Variants in CSMD1 observed in about 807,000 individuals in gnomAD.
The protein encoded by CSMD1 is CUB and Sushi multiple domains 1.
Under a neutral mutation model 417.5 loss-of-function variants are expected in CSMD1, and 213 were observed. That is an observed-to-expected ratio of 0.51 (90% CI 0.46 to 0.57). The LOEUF is 0.57. CSMD1 is among the 20% of genes least tolerant of loss of function. CSMD1 has a pLI of 0.00. For synonymous variants in CSMD1, 2,862 were observed against 1,736.8 expected, an observed-to-expected ratio of 1.65 and a Z score of -16.11; for missense variants, 6,923 against 4,529.7, an observed-to-expected ratio of 1.53 and a Z score of -15.17.
intron 25 of CSMD1, among the ~76,000 whole-genome samples, chr8:3,286,382 G>T (rs1161177607): frequency 6.6e-6 from 1 of 152,038 alleles, no homozygotes; most frequent in Non-Finnish European, 1.5e-5. Flanking sequence ...TCCAGTTCTA[G>T]ATCCCTGAGG....
intron 3 of CSMD1, among the ~76,000 whole-genome samples, chr8:4,305,349 G>C (rs904274551): frequency 6.6e-6 from 1 of 152,098 alleles, no homozygotes; most frequent in African/African-American, 2.4e-5. Flanking sequence ...AGTGAGACCC[G>C]AACTGGAATC....
chr8:4,213,516 C>T (rs939431461), intron 3 of CSMD1, among the ~76,000 whole-genome samples: 13 of 152,270 alleles, frequency 8.5e-5, no homozygotes, highest in Admixed American at 1.3e-4. Context: ...TTTGGTGGTG[C>T]GTTAATGTAG....
intron 3 of CSMD1, among the ~76,000 whole-genome samples, chr8:4,288,235 T>C (rs1356931848): frequency 1.3e-5 from 2 of 152,192 alleles, no homozygotes; most frequent in South Asian, 2.1e-4. Context: ...CTGGCAGTGC[T>C]GGGTGCCTTC....
intron 2 of CSMD1, among the ~76,000 whole-genome samples, chr8:4,442,188 C>T (rs138955887): frequency 2.0e-5 from 3 of 152,160 alleles, no homozygotes; most frequent in East Asian, 1.9e-4. Flanking sequence ...AAGTGACAAT[C>T]TCCTGACAAA....
intron 1 of CSMD1, among the ~76,000 whole-genome samples, chr8:4,993,173 T>C (rs992691006): frequency 6.6e-6 from 1 of 151,936 alleles, no homozygotes; most frequent in African/African-American, 2.4e-5. Context: ...CGGGGAAATA[T>C]TATGTAGGGA....
At chr8:4,294,405 T>G (rs1436760881) in intron 3 of CSMD1, among the ~76,000 whole-genome samples, 2 of 152,202 alleles carry the variant, frequency 1.3e-5, no homozygotes, top group African/African-American at 4.8e-5. Flanking sequence ...CTGATTGTAC[T>G]TGAATAGCTA....
chr8:3,724,405 T>C (rs936169504), intron 6 of CSMD1, among the ~76,000 whole-genome samples: 6 of 152,180 alleles, frequency 3.9e-5, no homozygotes, highest in African/African-American at 1.4e-4. Flanking sequence ...TAAAGGAGTA[T>C]TGTCACTTTT....
chr8:3,102,008 G>A (rs910581063), intron 46 of CSMD1, among the ~76,000 whole-genome samples: 15 of 151,908 alleles, frequency 9.9e-5, no homozygotes, highest in Non-Finnish European at 1.6e-4. Flanking sequence ...CACCATGTTG[G>A]CCAGGCTGGT....
At chr8:2,976,156 G>A (rs1276337239) in intron 55 of CSMD1, among the ~76,000 whole-genome samples, 1 of 151,566 alleles carries the variant, frequency 6.6e-6, no homozygotes, top group Non-Finnish European at 1.5e-5. Context: ...TAATTGAATT[G>A]TTGAAGTTAG....
At chr8:4,057,045 G>A (rs370648672) in intron 3 of CSMD1, among the ~76,000 whole-genome samples, 9 of 152,308 alleles carry the variant, frequency 5.9e-5, no homozygotes, top group East Asian at 1.9e-4. Flanking sequence ...CTTTGGGTAT[G>A]TACCCAGTAA....
At chr8:3,358,834 C>G (rs898236259) in intron 21 of CSMD1, among the ~76,000 whole-genome samples, 8 of 149,626 alleles carry the variant, frequency 5.3e-5, no homozygotes, top group Non-Finnish European at 8.8e-5. Context: ...TCCAGTTTTT[C>G]TTTTGCTCCA....
Position 3,670,991 on chromosome 8 carries a change from GAT to G in CSMD1, c.1009+37421_1009+37422del, listed in dbSNP as rs1356105256. Among the ~76,000 whole-genome samples, 86 of 129,634 alleles carry G rather than the reference GAT, an allele frequency of 6.6e-4. 2 individuals are homozygous for G. In the South Asian group the frequency reaches 0.021, roughly 31 times the overall value. The allele number at this position is 129,634 out of a possible 152,430, so 85.0% of individuals were successfully genotyped here. On this transcript the variant is annotated intron_variant, in intron 7 of 69. Coordinates refer to ENST00000635120, the MANE Select transcript of CSMD1 (RefSeq NM_033225.6). ...GTATATGGGATATATATGTATATGG[GAT>G]ATATATGTATGGGATATATATGTAT...
At chr8:3,412,109 T>C (rs200014102) in intron 12 of CSMD1, among the ~76,000 whole-genome samples, 7 of 115,582 alleles carry the variant, frequency 6.1e-5, no homozygotes, top group African/African-American at 1.9e-4. Flanking sequence ...TATACATATA[T>C]ACATATATAC....
intron 5 of CSMD1, among the ~76,000 whole-genome samples, chr8:3,968,344 T>G (rs1345398592): frequency 1.3e-5 from 2 of 152,212 alleles, no homozygotes; most frequent in Non-Finnish European, 2.9e-5. Context: ...ATAATCTCCC[T>G]GATCCTACAA....
intron 5 of CSMD1, among the ~76,000 whole-genome samples, chr8:3,873,730 T>C (rs1805634231): frequency 6.6e-6 from 1 of 152,136 alleles, no homozygotes; most frequent in Non-Finnish European, 1.5e-5. Context: ...TAAAAAGCCT[T>C]TTTCTCAGTA....
chr8:4,458,579 G>T (rs73660863), intron 2 of CSMD1, among the ~76,000 whole-genome samples: 1 of 151,958 alleles, frequency 6.6e-6, no homozygotes, highest in African/African-American at 2.4e-5. Context: ...CATTGTAACA[G>T]TAAATACAAG....
At chr8:4,676,843 A>T (rs902877152) in intron 1 of CSMD1, among the ~76,000 whole-genome samples, 1 of 151,262 alleles carries the variant, frequency 6.6e-6, no homozygotes, top group African/African-American at 2.4e-5. Flanking sequence ...TCTGTCCTGG[A>T]ATTTTATATA....
intron 3 of CSMD1, among the ~76,000 whole-genome samples, chr8:4,222,150 C>G (rs1435307336): frequency 6.6e-6 from 1 of 152,002 alleles, no homozygotes; most frequent in Non-Finnish European, 1.5e-5. Flanking sequence ...TTCACAGAGC[C>G]TTACCACCAT....
intron 2 of CSMD1, among the ~76,000 whole-genome samples, chr8:4,428,049 G>A (rs1797665555): frequency 6.6e-6 from 1 of 152,100 alleles, no homozygotes; most frequent in South Asian, 2.1e-4. Flanking sequence ...CTATTGTTAA[G>A]ACATGAAGGT....
Sources: gnomAD v4.1 joint callset for allele counts (sites outside exome capture counted in the v4.1 genomes callset) on GRCh38, gnomAD v4.1.1 for gene constraint, MANE v1.5 for transcripts, NCBI Gene and HGNC (gene_info 2026-07-23, HGNC 2026-07-21) for gene names.